Variants in KDM4B observed in about 807,000 individuals in gnomAD.
KDM4B encodes lysine-specific demethylase 4B.
Under a neutral mutation model 125.2 loss-of-function variants are expected in KDM4B, and 32 were observed. The ratio of observed to expected loss-of-function variants is 0.26; its 90% CI spans 0.19 to 0.34. The LOEUF (loss-of-function observed/expected upper bound fraction) is 0.34, where lower values mean the gene tolerates loss of function less well. KDM4B is among the 10% of genes least tolerant of loss of function. The probability of loss-of-function intolerance (pLI) is 1.00; values close to 1 mark genes in which losing one functional copy is unlikely to be tolerated. For synonymous variants in KDM4B, 721 were observed against 677.9 expected (o/e 1.06, Z -0.99); for missense variants, 1,190 against 1,577.7 (o/e 0.75, Z 4.16).
chr19:4,973,217 C>T lies in KDM4B; in HGVS notation c.-109+3987C>T, dbSNP rs1318078130. 2.0e-5 allele frequency among the ~76,000 whole-genome samples: 3 copies of T among 152,208 alleles called. No individual in the cohort carries two copies. In the East Asian group the frequency reaches 5.8e-4, roughly 29 times the overall value. ...TTATTTATTTATTTTGAGACAGAATCTCACTCTGTCACCCAGGCTGGAGTA... is the reference window on the plus strand; with the variant it reads ...TTATTTATTTATTTTGAGACAGAATTTCACTCTGTCACCCAGGCTGGAGTA... On this transcript the variant is annotated intron_variant, in intron 1 of 22. Transcript: ENST00000159111.
At chr19:5,131,767 A>T (rs2039560745) in intron 12 of KDM4B, 120 bp from the exon 13 acceptor site, 1 of 1,254,686 alleles carries the variant, frequency 8.0e-7, no homozygotes, top group Admixed American at 2.1e-5. Context: ...CTTTGCTGGG[A>T]CAGTCACCCC....
At chr19:5,135,790 C>T (rs1352242699) in intron 15 of KDM4B, among the ~76,000 whole-genome samples, 1 of 152,230 alleles carries the variant, frequency 6.6e-6, no homozygotes, top group Non-Finnish European at 1.5e-5. Context: ...AGGCTGTGGC[C>T]ATGGAAGGGC....
chr19:4,992,717 C>T (rs888806408), intron 1 of KDM4B, among the ~76,000 whole-genome samples: 1 of 152,196 alleles, frequency 6.6e-6, no homozygotes, highest in Non-Finnish European at 1.5e-5. Flanking sequence ...TCCCAAAGTG[C>T]TGGGATTACA....
At chr19:4,998,521 T>A (rs530798125) in intron 1 of KDM4B, among the ~76,000 whole-genome samples, 43 of 152,330 alleles carry the variant, frequency 2.8e-4, no homozygotes, top group South Asian at 2.5e-3. Flanking sequence ...TGTCAGTGTG[T>A]GGCAGACATG....
At chr19:5,072,472 A>G (rs1414300045) in intron 7 of KDM4B, among the ~76,000 whole-genome samples, 1 of 152,158 alleles carries the variant, frequency 6.6e-6, no homozygotes, top group Non-Finnish European at 1.5e-5. Flanking sequence ...GGCACAGGTG[A>G]ATCCTGGTCT....
chr19:5,128,548 A>G (rs1292015640), intron 11 of KDM4B, among the ~76,000 whole-genome samples: 1 of 152,178 alleles, frequency 6.6e-6, no homozygotes, highest in East Asian at 1.9e-4. Context: ...CCTTAGGGGA[A>G]CAAAGCTGTT....
chr19:5,049,968 A>G (rs1047956499), intron 6 of KDM4B, among the ~76,000 whole-genome samples: 9 of 151,832 alleles, frequency 5.9e-5, no homozygotes, highest in African/African-American at 2.2e-4. Flanking sequence ...GCTGGGGTTC[A>G]GGAAGCTACT....
intron 6 of KDM4B, among the ~76,000 whole-genome samples, chr19:5,054,382 T>C (rs2037328130): frequency 6.6e-6 from 1 of 152,050 alleles, no homozygotes; most frequent in Non-Finnish European, 1.5e-5. Flanking sequence ...CCTTTCCCAG[T>C]TTTAAAACTG....
At chr19:5,118,007 G>A (rs1021324400) in intron 10 of KDM4B, among the ~76,000 whole-genome samples, 9 of 152,156 alleles carry the variant, frequency 5.9e-5, no homozygotes, top group Non-Finnish European at 7.4e-5. Context: ...AGCACAGGGC[G>A]GGCAGAGTGG....
intron 1 of KDM4B, among the ~76,000 whole-genome samples, chr19:5,001,530 C>CTGTGCTGCCGTGAGTAACCTGG (rs1340738623): frequency 6.6e-6 from 1 of 152,186 alleles, no homozygotes; most frequent in East Asian, 1.9e-4. Flanking sequence ...CGGTGGCGAA[C>CTGTGCTGCCGTGAGTAACCTGG]TGTGCTGCCG....
intron 1 of KDM4B, among the ~76,000 whole-genome samples, chr19:4,988,433 G>A (rs975881563): frequency 3.5e-4 from 53 of 152,098 alleles, no homozygotes; most frequent in African/African-American, 1.3e-3. Context: ...CCGCCACCAC[G>A]CCCGGCTAAT....
chr19:5,004,814 C>A (rs2145450872), intron 1 of KDM4B, among the ~76,000 whole-genome samples: 1 of 152,250 alleles, frequency 6.6e-6, no homozygotes, highest in Non-Finnish European at 1.5e-5. Context: ...GGAATACACT[C>A]CCTACTGTCC....
At position 5,081,856 on chromosome 19, in the gene KDM4B, C is replaced by G. The variant is rs1272449603; in HGVS notation, c.781-511C>G. On this transcript the variant is annotated intron_variant, in intron 8 of 22. Transcript: ENST00000159111. This position sits in a 1 kb window ranked among gnomAD's most constrained non-coding sequence, Gnocchi z 4.2. ...GGGCAGAAGGTGTCCTGAGCGCGTG[C>G]AGTGTCTTGTCTTCAGAGCACTCTA... Among the ~76,000 whole-genome samples the G allele has an allele frequency of 6.6e-6, 1 of 152,194 alleles. No individual in the cohort carries two copies. The highest frequency in any genetic ancestry group is 1.5e-5 in the Non-Finnish European group (1 of 68,030).
At chr19:5,033,168 C>T (rs779151346) in intron 3 of KDM4B, 137 bp downstream of exon 3, 15 of 985,190 alleles carry the variant, frequency 1.5e-5, no homozygotes, top group East Asian at 7.4e-5. Context: ...ACTCCCAGCT[C>T]GTTTACCAGC....
At chr19:5,109,090 T>C (rs1251233910) in intron 9 of KDM4B, among the ~76,000 whole-genome samples, 1 of 152,240 alleles carries the variant, frequency 6.6e-6, no homozygotes, top group African/African-American at 2.4e-5. Context: ...TGCGCATGCA[T>C]GTGCCCATCA....
intron 2 of KDM4B, 62 bp from the exon 3 acceptor site, chr19:5,032,804 C>A: frequency 6.8e-7 from 1 of 1,471,092 alleles, no homozygotes. Context: ...TGAGGGAGGA[C>A]GGGCTCCAAG....
chr19:5,081,991 C>T lies in KDM4B; in HGVS notation c.781-376C>T, dbSNP rs1000732240. On this transcript the variant is annotated intron_variant, in intron 8 of 22. Coordinates refer to ENST00000159111, the MANE Select transcript of KDM4B (RefSeq NM_015015.3). This position sits in a 1 kb window ranked among gnomAD's most constrained non-coding sequence, Gnocchi z 4.2. Reference sequence around the variant, plus strand: ...CCTCCAAAGCAGGAGGCCCCCATCGCTCCCCATGAAGGTCCGGCTGGAGAC... The same window carrying T: ...CCTCCAAAGCAGGAGGCCCCCATCGTTCCCCATGAAGGTCCGGCTGGAGAC... Among the ~76,000 whole-genome samples the T allele has an allele frequency of 2.0e-5, 3 of 152,146 alleles. No individual in the cohort carries two copies. The highest frequency in any genetic ancestry group is 2.0e-4 in the Admixed American group (3 of 15,286).
chr19:5,147,103 G>GGGA (rs145265420), intron 21 of KDM4B, among the ~76,000 whole-genome samples: 8,256 of 152,108 alleles, frequency 0.054, 282 homozygotes, highest in Admixed American at 0.11. Flanking sequence ...CTCCGAGGAG[G>GGGA]GGAGGTTGAG....
At chr19:5,056,035 C>T (rs953471739) in intron 6 of KDM4B, among the ~76,000 whole-genome samples, 1 of 152,174 alleles carries the variant, frequency 6.6e-6, no homozygotes, top group African/African-American at 2.4e-5. Flanking sequence ...GATGTTGTCC[C>T]GTCTCCGTAG....
Sources: allele counts gnomAD v4.1 joint callset (sites outside exome capture counted in the v4.1 genomes callset), GRCh38; gene constraint gnomAD v4.1.1; non-coding constraint Gnocchi (gnomAD v3.1); transcripts MANE v1.5; gene names NCBI Gene and HGNC (gene_info 2026-07-23, HGNC 2026-07-21).